Variants in PGLYRP4 observed in about 807,000 individuals in gnomAD.
PGLYRP4 encodes the protein peptidoglycan recognition protein 4, also known as PGRP-I-beta.
PGLYRP4 carries 39 observed loss-of-function variants against 41.2 expected under a neutral mutation model. That is an observed-to-expected ratio of 0.95 (90% CI 0.73 to 1.24). The LOEUF (loss-of-function observed/expected upper bound fraction) is 1.24. Among genes scored for constraint, PGLYRP4 ranks in the 50% most tolerant of loss-of-function variants. The probability of loss-of-function intolerance (pLI) is 0.00; values close to 1 mark genes in which losing one functional copy is unlikely to be tolerated. For missense variants in PGLYRP4, 467 were observed against 460.7 expected (o/e 1.01, Z -0.13); for synonymous variants, 202 against 186.8 (o/e 1.08, Z -0.66).
Position 153,345,249 on chromosome 1 carries a change from G to T in PGLYRP4, c.273C>A (p.Asp91Glu), listed in dbSNP as rs370345526. Residue 91 changes from aspartate to glutamate, a missense_variant, in exon 4 of 9, where the codon GAC becomes GAA. Coordinates refer to ENST00000359650, the MANE Select transcript of PGLYRP4 (RefSeq NM_020393.4). ...GCAGTCTCTGGCTGCAGACTGTCTGGTCGTGACACTCCAGTCCAGGGACAT... is the reference window on the plus strand; with the variant it reads ...GCAGTCTCTGGCTGCAGACTGTCTGTTCGTGACACTCCAGTCCAGGGACAT... ...IHHVPGLECH[D>E]QTVCSQRLRE... 2 of 1,614,032 alleles carry T rather than the reference G, an allele frequency of 1.2e-6. No homozygotes were observed. The highest frequency in any genetic ancestry group is 8.5e-7 in the Non-Finnish European group (1 of 1,180,030).
chr1:153,335,673 C>T (rs553610768), intron 8 of PGLYRP4, among the ~76,000 whole-genome samples: 7 of 150,164 alleles, frequency 4.7e-5, no homozygotes, highest in Admixed American at 1.3e-4. Flanking sequence ...TGCAGTGAGC[C>T]GAGGTCACAC....
At chr1:153,331,663 CAGAG>C (rs536621172) in intron 8 of PGLYRP4, 268 of 121,966 alleles carry the variant, frequency 2.2e-3, no homozygotes, top group African/African-American at 7.0e-3. Context: ...TGGAATGATA[CAGAG>C]AAGATTAGTG....
chr1:153,340,354 A>T (rs773356728), intron 7 of PGLYRP4, 27 bp downstream of exon 7: 3 of 1,602,828 alleles, frequency 1.9e-6, no homozygotes, highest in South Asian at 2.2e-5. Flanking sequence ...AAGGGAAAAG[A>T]AGCCCAGTGT....
chr1:153,343,998 A>T (rs1660903155), intron 4 of PGLYRP4, among the ~76,000 whole-genome samples: 1 of 152,090 alleles, frequency 6.6e-6, no homozygotes, highest in African/African-American at 2.4e-5. Context: ...CTAAAAGCAG[A>T]CTGGGGGGCG....
intron 8 of PGLYRP4, among the ~76,000 whole-genome samples, chr1:153,331,243 A>G (rs747234121): frequency 6.6e-6 from 1 of 152,164 alleles, no homozygotes; most frequent in Non-Finnish European, 1.5e-5. Context: ...CCCAAAGGAC[A>G]TTTGGCAGTG....
Position 153,337,204 on chromosome 1 carries a change from A to G in PGLYRP4, c.920T>C (p.Ile307Thr). 6.2e-7 allele frequency: 1 copy of G among 1,612,572 alleles called. No individual in the cohort carries two copies. The highest frequency in any genetic ancestry group is 1.7e-5 in the Admixed American group (1 of 60,002). ...ACCTGTGAAGGTGCCCATGAAGGTA[A>G]TGCCCAGGGCAATGTCATCGTAGCC... ...TPGYDDIALG[I>T]TFMGTFTGIP... is the part of the protein sequence containing the mutation. The change falls in exon 8 of 9, where the codon ATT becomes ACT. Residue 307 changes from isoleucine to threonine, a missense_variant. Transcript: ENST00000359650.
intron 7 of PGLYRP4, among the ~76,000 whole-genome samples, chr1:153,339,479 G>A (rs1009163063): frequency 6.6e-6 from 1 of 152,218 alleles, no homozygotes; most frequent in African/African-American, 2.4e-5. Flanking sequence ...TGGCCCTAGA[G>A]TTAAAGGTTC....
intron 5 of PGLYRP4, 103 bp from the exon 6 acceptor site, chr1:153,341,882 G>A (rs1277528391): frequency 9.1e-6 from 10 of 1,103,970 alleles, no homozygotes; most frequent in Non-Finnish European, 1.3e-5. Context: ...AGCTGATGGA[G>A]AGGAAGAAAA....
At chr1:153,339,813 T>C (rs115026604) in intron 7 of PGLYRP4, among the ~76,000 whole-genome samples, 2,443 of 152,318 alleles carry the variant, frequency 0.016, 69 homozygotes, top group African/African-American at 0.055. Flanking sequence ...CTTAGGTCTG[T>C]GTCTTCCTTA....
At chr1:153,334,089 T>C (rs184324196) in intron 8 of PGLYRP4, among the ~76,000 whole-genome samples, 21 of 152,146 alleles carry the variant, frequency 1.4e-4, no homozygotes, top group African/African-American at 4.3e-4. Context: ...GGCACCCAAA[T>C]TGGAAAAGAG....
intron 7 of PGLYRP4, among the ~76,000 whole-genome samples, chr1:153,339,424 A>C (rs1660701390): frequency 6.6e-6 from 1 of 152,254 alleles, no homozygotes; most frequent in South Asian, 2.1e-4. Context: ...CAGTCAGCCC[A>C]GAATCGTGTA....
chr1:153,345,865 T>A (rs914682474), intron 3 of PGLYRP4, among the ~76,000 whole-genome samples: 3 of 152,060 alleles, frequency 2.0e-5, no homozygotes, highest in Non-Finnish European at 4.4e-5. Flanking sequence ...CCACAGGGAG[T>A]CCCTGTCTGC....
Position 153,343,136 on chromosome 1 carries a change from GC to G in PGLYRP4, c.425del (p.Gly142AlafsTer31). ...GWNIQGVHTQ[G>X]YNNISLGFAF... ...CAAAGCCCAGGGAGATGTTGTTGTA[GC>G]CTTGGGTGTGCACTCCTTGGATATT... On this transcript the variant is annotated frameshift_variant, in exon 5 of 9. Transcript: ENST00000359650. LOFTEE classifies it high-confidence loss of function. The G allele has an allele frequency of 3.1e-6, 5 of 1,613,808 alleles. No homozygotes were observed. Among genetic ancestry groups the G allele is most frequent in the Non-Finnish European group, 4.2e-6 (5 of 1,179,690 alleles).
chr1:153,342,710 C>T (rs1467704432), intron 5 of PGLYRP4, among the ~76,000 whole-genome samples: 1 of 151,896 alleles, frequency 6.6e-6, no homozygotes, highest in Non-Finnish European at 1.5e-5. Flanking sequence ...CTGGCAGGAA[C>T]TTGGAAAGCA....
intron 5 of PGLYRP4, 63 bp downstream of exon 5, chr1:153,343,027 A>C: frequency 2.1e-6 from 2 of 953,906 alleles, no homozygotes; most frequent in Non-Finnish European, 3.4e-6. Flanking sequence ...GTTCCCATGA[A>C]GTGGCCCCTG....
intron 8 of PGLYRP4, 26 bp downstream of exon 8, chr1:153,337,155 C>T (rs375429321): frequency 2.3e-5 from 33 of 1,417,156 alleles, no homozygotes; most frequent in African/African-American, 4.2e-5. Flanking sequence ...CATGCAATGA[C>T]CCTACTGACC....
chr1:153,335,793 G>A (rs192046382), intron 8 of PGLYRP4, among the ~76,000 whole-genome samples: 351 of 152,056 alleles, frequency 2.3e-3, no homozygotes, highest in African/African-American at 7.6e-3. Flanking sequence ...CAGAGAAAAG[G>A]GAATGCTTAC....
Position 153,342,342 on chromosome 1 carries a change from A to T in PGLYRP4, c.473-563T>A, listed in dbSNP as rs560249570. On this transcript the variant is annotated intron_variant, in intron 5 of 8. Coordinates refer to ENST00000359650, the MANE Select transcript of PGLYRP4 (RefSeq NM_020393.4). ...ACCACCCAGGAGCTGGAGATAAAAG[A>T]TATGGACCATGTTCTGATTCCTCTC... Among the ~76,000 whole-genome samples, 9 of 152,296 alleles carry T rather than the reference A, an allele frequency of 5.9e-5. No individual in the cohort carries two copies. The South Asian group carries it at 1.7e-3, about 28-fold the overall frequency.
chr1:153,347,867 A>G lies in PGLYRP4; in HGVS notation c.49+17T>C, dbSNP rs77835676. The G allele has an allele frequency of 6.2e-3, 9,924 of 1,599,764 alleles. 256 individuals carry two copies. In the East Asian group the frequency reaches 0.096, roughly 15 times the overall value. On this transcript the variant is annotated intron_variant, in intron 2 of 8. Coordinates refer to ENST00000359650, the MANE Select transcript of PGLYRP4 (RefSeq NM_020393.4). ...ACCCTTCTCGGTTGCTTTTTGGCCCAGGGAAAGAAAACTTACCCCAGGCCT... is the reference window on the plus strand; with the variant it reads ...ACCCTTCTCGGTTGCTTTTTGGCCCGGGGAAAGAAAACTTACCCCAGGCCT...
Sources: gnomAD v4.1 joint callset for allele counts (sites outside exome capture counted in the v4.1 genomes callset) on GRCh38, gnomAD v4.1.1 for gene constraint, MANE v1.5 for transcripts, NCBI Gene and HGNC (gene_info 2026-07-23, HGNC 2026-07-21) for gene names.